CMC1: variants seen among roughly 807,000 people sequenced by gnomAD.
CMC1 encodes the protein C-X9-C motif containing 1, also known as COX assembly mitochondrial protein homolog.
CMC1 carries 14 observed loss-of-function variants against 14.1 expected under a neutral mutation model. The ratio of observed to expected loss-of-function variants is 0.99; its 90% confidence interval spans 0.66 to 1.55. The LOEUF (loss-of-function observed/expected upper bound fraction) is 1.55. CMC1 is among the 40% of genes most tolerant of loss of function. The pLI is 0.00. For missense variants in CMC1, 127 were observed against 123.8 expected (o/e 1.03, Z -0.12); for synonymous variants, 50 against 38.4 (o/e 1.30, Z -1.12).
chr3:28,284,290 T>C (rs1701055473), intron 2 of CMC1, among the ~76,000 whole-genome samples: 1 of 152,192 alleles, frequency 6.6e-6, no homozygotes, highest in South Asian at 2.1e-4. Context: ...TTTTCTTTCA[T>C]ATCTTCCCTG....
chr3:28,249,211 A>T, intron 1 of CMC1, among the ~76,000 whole-genome samples: 1 of 152,262 alleles, frequency 6.6e-6, no homozygotes, highest in Admixed American at 6.5e-5. Context: ...ATCAAAAGAT[A>T]TGTTAATTAC....
At chr3:28,269,667 G>A (rs1448920591) in intron 2 of CMC1, among the ~76,000 whole-genome samples, 1 of 152,078 alleles carries the variant, frequency 6.6e-6, no homozygotes, top group East Asian at 1.9e-4. Context: ...CTGGGTTCAA[G>A]TGATTCCCCT....
chr3:28,244,175 A>C (rs761891054), intron 1 of CMC1, among the ~76,000 whole-genome samples: 5 of 152,206 alleles, frequency 3.3e-5, no homozygotes, highest in Non-Finnish European at 7.4e-5. Flanking sequence ...AATGGCATCA[A>C]ATGCCTTTAG....
rs151127401 is a variant in CMC1 at position 28,307,527 on chromosome 3, C to T, written c.110-8806C>T. 2.6e-3 allele frequency among the ~76,000 whole-genome samples: 397 copies of T among 152,208 alleles called. 2 individuals are homozygous for T. Among genetic ancestry groups the T allele is most frequent in the African/African-American group, 9.0e-3 (374 of 41,542 alleles). On this transcript the variant is annotated intron_variant, in intron 2 of 3. Coordinates refer to ENST00000466830, the MANE Select transcript of CMC1 (RefSeq NM_182523.2). ...GTGACAAGAAAAAAAGTATTATTCA[C>T]GCATCAGTTCCTGATTTTGAGAAAA...
intron 2 of CMC1, among the ~76,000 whole-genome samples, chr3:28,314,739 A>G (rs1008521656): frequency 1.3e-5 from 2 of 152,196 alleles, no homozygotes; most frequent in East Asian, 1.9e-4. Flanking sequence ...TATCTATGCT[A>G]TAGGGCTCTT....
intron 2 of CMC1, among the ~76,000 whole-genome samples, chr3:28,312,801 C>T (rs1267248770): frequency 1.3e-5 from 2 of 151,976 alleles, no homozygotes; most frequent in East Asian, 3.9e-4. Flanking sequence ...GACTTTATCT[C>T]TTTATGTTTT....
intron 2 of CMC1, among the ~76,000 whole-genome samples, chr3:28,284,328 A>G (rs1392125266): frequency 6.6e-6 from 1 of 152,194 alleles, no homozygotes; most frequent in Non-Finnish European, 1.5e-5. Context: ...GATGAGATTC[A>G]AATTGTCATA....
chr3:28,248,967 T>C (rs561076666), intron 1 of CMC1, among the ~76,000 whole-genome samples: 2 of 152,140 alleles, frequency 1.3e-5, no homozygotes, highest in African/African-American at 4.8e-5. Context: ...TTTTTTTGTA[T>C]TTTTAGTAGA....
At chr3:28,272,505 T>A (rs1323747846) in intron 2 of CMC1, among the ~76,000 whole-genome samples, 1 of 152,170 alleles carries the variant, frequency 6.6e-6, no homozygotes, top group Non-Finnish European at 1.5e-5. Context: ...TTAGTTCTGT[T>A]TACGTAATGA....
intron 2 of CMC1, among the ~76,000 whole-genome samples, chr3:28,290,875 G>T (rs557874605): frequency 6.6e-6 from 1 of 151,750 alleles, no homozygotes; most frequent in Non-Finnish European, 1.5e-5. Context: ...CAGGTATCTC[G>T]GTATGACAAC....
intron 1 of CMC1, among the ~76,000 whole-genome samples, chr3:28,258,637 T>G (rs1453968543): frequency 1.4e-5 from 2 of 147,440 alleles, no homozygotes; most frequent in East Asian, 2.0e-4. Context: ...TTTTTTTTTT[T>G]GAGATGGAAT....
At chr3:28,279,394 C>T (rs187614507) in intron 2 of CMC1, among the ~76,000 whole-genome samples, 6 of 152,234 alleles carry the variant, frequency 3.9e-5, no homozygotes, top group Non-Finnish European at 5.9e-5. Context: ...ACTTTCTACT[C>T]GTATTACTCA....
intron 2 of CMC1, among the ~76,000 whole-genome samples, chr3:28,294,991 A>T (rs1033694407): frequency 1.0e-4 from 15 of 142,938 alleles, no homozygotes; most frequent in Non-Finnish European, 1.5e-4. Context: ...TATTTTTTTT[A>T]AAACAAAACA....
At chr3:28,261,166 C>T (rs2125456503) in intron 1 of CMC1, among the ~76,000 whole-genome samples, 1 of 151,990 alleles carries the variant, frequency 6.6e-6, no homozygotes, top group Middle Eastern at 3.4e-3. Context: ...ATTTGTATAT[C>T]ATGCGTTCAG....
At chr3:28,248,594 T>A (rs1406152870) in intron 1 of CMC1, among the ~76,000 whole-genome samples, 2 of 152,226 alleles carry the variant, frequency 1.3e-5, no homozygotes, top group African/African-American at 4.8e-5. Context: ...AGTTTGTGTC[T>A]TGTTGCCTGG....
chr3:28,291,544 A>G (rs1701471062), intron 2 of CMC1, among the ~76,000 whole-genome samples: 1 of 152,226 alleles, frequency 6.6e-6, no homozygotes, highest in East Asian at 1.9e-4. Flanking sequence ...TTTATCAACT[A>G]TTCCTTGAAG....
intron 2 of CMC1, among the ~76,000 whole-genome samples, chr3:28,284,473 A>T (rs1462566207): frequency 6.6e-6 from 1 of 151,374 alleles, no homozygotes; most frequent in Admixed American, 6.6e-5. Context: ...AACAAAACAA[A>T]ATAATAGTGC....
chr3:28,242,267 G>A (rs1698567543), intron 1 of CMC1, among the ~76,000 whole-genome samples: 2 of 152,166 alleles, frequency 1.3e-5, no homozygotes, highest in African/African-American at 4.8e-5. Flanking sequence ...CACTATGGCA[G>A]GAGTCAGTTT....
chr3:28,282,860 A>G (rs775580421), intron 2 of CMC1, among the ~76,000 whole-genome samples: 1 of 152,198 alleles, frequency 6.6e-6, no homozygotes, highest in Non-Finnish European at 1.5e-5. Context: ...CTCTAAGTTC[A>G]TATTATTAGA....
Sources: gnomAD v4.1 joint callset for allele counts (sites outside exome capture counted in the v4.1 genomes callset) on GRCh38, gnomAD v4.1.1 for gene constraint, MANE v1.5 for transcripts, NCBI Gene and HGNC (gene_info 2026-07-23, HGNC 2026-07-21) for gene names.